Variants in PCDH15 observed in about 807,000 individuals in gnomAD.
PCDH15 encodes the protein protocadherin-15.
PCDH15 carries 129 observed loss-of-function variants against 178.5 expected under a neutral mutation model. The observed-to-expected ratio is 0.72, with a 90% CI of 0.63 to 0.84. The LOEUF (loss-of-function observed/expected upper bound fraction) is 0.84. PCDH15 is among the 40% of genes least tolerant of loss of function. PCDH15 has a pLI of 0.00. For synonymous variants in PCDH15, 800 were observed against 732.0 expected (o/e 1.09, Z -1.50); for missense variants, 2,230 against 2,099.9 (o/e 1.06, Z -1.21).
chr10:54,602,473 T>C (rs2092582889), intron 2 of PCDH15, among the ~76,000 whole-genome samples: 1 of 151,982 alleles, frequency 6.6e-6, no homozygotes, highest in African/African-American at 2.4e-5. Context: ...CTAGTTTGAA[T>C]GTCTTTCATT....
At chr10:55,123,665 G>A (rs545204120) in intron 2 of PCDH15, among the ~76,000 whole-genome samples, 28 of 152,202 alleles carry the variant, frequency 1.8e-4, no homozygotes, top group African/African-American at 6.7e-4. Context: ...CCAGTCAAAG[G>A]TGCATTATTT....
rs9804279 is a variant in PCDH15 at position 54,403,698 on chromosome 10, A to G, written c.158-24756T>C. On this transcript the variant is annotated intron_variant, in intron 3 of 37. Coordinates refer to ENST00000644397, the MANE Select transcript of PCDH15 (RefSeq NM_001384140.1). ...GAACTTATATTCAGAAACCCTCAAAATCTAGGCCCATAAGATCCTTAAATT... is the reference window on the plus strand; with the variant it reads ...GAACTTATATTCAGAAACCCTCAAAGTCTAGGCCCATAAGATCCTTAAATT... Among the ~76,000 whole-genome samples the G allele has an allele frequency of 5.6e-3, 850 of 152,024 alleles. 11 individuals carry two copies. Among genetic ancestry groups the G allele is most frequent in the African/African-American group, 0.02 (836 of 41,492 alleles).
intron 1 of PCDH15, among the ~76,000 whole-genome samples, chr10:55,268,227 G>A (rs1249136941): frequency 6.6e-6 from 1 of 152,098 alleles, no homozygotes; most frequent in Admixed American, 6.6e-5. Flanking sequence ...AGCTTAGAGA[G>A]AATAAATGAT....
intron 30 of PCDH15, 74 bp downstream of exon 30, chr10:53,831,240 AG>A: frequency 7.4e-7 from 1 of 1,345,712 alleles, no homozygotes; most frequent in Non-Finnish European, 1.1e-6. Context: ...TACAACGCAA[AG>A]CCATGTTACC....
chr10:54,850,401 C>T (rs1306928028), intron 3 of PCDH15, among the ~76,000 whole-genome samples: 2 of 151,942 alleles, frequency 1.3e-5, no homozygotes, highest in African/African-American at 4.8e-5. Flanking sequence ...AAGCAGTATA[C>T]AATGGGCCCA....
chr10:54,658,941 G>C (rs2094449976), intron 2 of PCDH15, among the ~76,000 whole-genome samples: 1 of 152,094 alleles, frequency 6.6e-6, no homozygotes, highest in Non-Finnish European at 1.5e-5. Context: ...AAAGGGTGGA[G>C]AATGATGTAC....
intron 2 of PCDH15, among the ~76,000 whole-genome samples, chr10:54,532,173 G>A (rs1681431998): frequency 6.6e-6 from 1 of 152,122 alleles, no homozygotes; most frequent in Non-Finnish European, 1.5e-5. Flanking sequence ...TCTTTAAGCA[G>A]AGTGATCTTT....
chr10:54,596,456 G>C (rs961002768), intron 2 of PCDH15, among the ~76,000 whole-genome samples: 3 of 152,090 alleles, frequency 2.0e-5, no homozygotes, highest in South Asian at 4.1e-4. Context: ...AGAGCTTCTG[G>C]AAGCATTAAT....
At chr10:53,969,313 GAATA>G (rs1209961306) in intron 21 of PCDH15, among the ~76,000 whole-genome samples, 1 of 152,036 alleles carries the variant, frequency 6.6e-6, no homozygotes, top group African/African-American at 2.4e-5. Context: ...AGAGAAAAAA[GAATA>G]AAAAGAAATG....
chr10:53,821,798 GT>G, intron 32 of PCDH15: 7 of 1,602,032 alleles, frequency 4.4e-6, no homozygotes, highest in Non-Finnish European at 5.9e-6. Flanking sequence ...CAAATTTGAT[GT>G]TCAACTTGAA....
intron 2 of PCDH15, among the ~76,000 whole-genome samples, chr10:54,546,823 T>G (rs559641238): frequency 5.7e-4 from 87 of 152,282 alleles, no homozygotes; most frequent in African/African-American, 1.9e-3. Context: ...CCTTAACACC[T>G]CCTTCAACAC....
chr10:54,550,926 T>C (rs2086504521), intron 2 of PCDH15, among the ~76,000 whole-genome samples: 1 of 151,482 alleles, frequency 6.6e-6, no homozygotes, highest in Non-Finnish European at 1.5e-5. Context: ...GAGGCTGAGG[T>C]GGGAGGATCA....
At chr10:55,418,655 T>C (rs549063019) in intron 2 of PCDH15, among the ~76,000 whole-genome samples, 2 of 151,846 alleles carry the variant, frequency 1.3e-5, no homozygotes, top group Admixed American at 1.3e-4. Flanking sequence ...GGATGACATT[T>C]TGTAACTTCA....
At chr10:54,520,819 G>A (rs1323808737) in intron 3 of PCDH15, among the ~76,000 whole-genome samples, 2 of 150,442 alleles carry the variant, frequency 1.3e-5, no homozygotes, top group Non-Finnish European at 1.5e-5. Context: ...CAACCCAAAT[G>A]TCCAACAATG....
chr10:54,820,456 G>A (rs1342914875), intron 3 of PCDH15, among the ~76,000 whole-genome samples: 1 of 151,960 alleles, frequency 6.6e-6, no homozygotes, highest in East Asian at 1.9e-4. Context: ...TGTTCTCAAA[G>A]TTGACAGAAA....
intron 3 of PCDH15, among the ~76,000 whole-genome samples, chr10:54,520,204 T>G (rs1589855800): frequency 6.6e-6 from 1 of 152,068 alleles, no homozygotes; most frequent in Non-Finnish European, 1.5e-5. Flanking sequence ...AAAGCCAAAA[T>G]TGACAAATAG....
At chr10:54,782,689 A>G (rs561419989) in intron 1 of PCDH15, among the ~76,000 whole-genome samples, 1 of 152,078 alleles carries the variant, frequency 6.6e-6, no homozygotes, top group South Asian at 2.1e-4. Flanking sequence ...ACACGACCTC[A>G]GGGACCTAAG....
At chr10:54,849,559 T>C (rs2131763559) in intron 3 of PCDH15, among the ~76,000 whole-genome samples, 1 of 152,292 alleles carries the variant, frequency 6.6e-6, no homozygotes, top group South Asian at 2.1e-4. Context: ...CGCTGGGGCT[T>C]TTGATTCACT....
intron 2 of PCDH15, among the ~76,000 whole-genome samples, chr10:55,152,880 ACAC>A (rs2132103374): frequency 6.6e-6 from 1 of 152,200 alleles, no homozygotes; most frequent in East Asian, 1.9e-4. Context: ...ATGGACACAT[ACAC>A]ACACACAATA....
Sources: allele counts gnomAD v4.1 joint callset (sites outside exome capture counted in the v4.1 genomes callset), GRCh38; gene constraint gnomAD v4.1.1; transcripts MANE v1.5; gene names NCBI Gene and HGNC (gene_info 2026-07-23, HGNC 2026-07-21).